The following PLPP4 variants were observed in gnomAD, a reference collection of about 807,000 sequenced individuals.
PLPP4 encodes the protein phospholipid phosphatase 4.
PLPP4 carries 20 observed loss-of-function variants against 32.2 expected under a neutral mutation model. The observed-to-expected ratio is 0.62, with a 90% CI of 0.44 to 0.90. The LOEUF is 0.90. Ranked by LOEUF, PLPP4 falls within the 40% of genes least tolerant of loss-of-function variation. The probability of loss-of-function intolerance (pLI) is 0.00; values close to 1 mark genes in which losing one functional copy is unlikely to be tolerated. For synonymous variants in PLPP4, 127 were observed against 133.0 expected (o/e 0.95, Z 0.31); for missense variants, 257 against 353.1 (o/e 0.73, Z 2.18).
intron 1 of PLPP4, among the ~76,000 whole-genome samples, chr10:120,474,045 A>G (rs1464360651): frequency 8.6e-5 from 13 of 152,000 alleles, no homozygotes; most frequent in Admixed American, 7.9e-4. Context: ...TATCTTTTGC[A>G]TAATTATTTT....
At chr10:120,472,118 A>G (rs1421607346) in intron 1 of PLPP4, among the ~76,000 whole-genome samples, 1 of 152,118 alleles carries the variant, frequency 6.6e-6, no homozygotes, top group Non-Finnish European at 1.5e-5. Flanking sequence ...CAATCAATAT[A>G]CTTTCACAGA....
intron 5 of PLPP4, among the ~76,000 whole-genome samples, chr10:120,532,878 C>T (rs1433853268): frequency 6.6e-6 from 1 of 152,028 alleles, no homozygotes; most frequent in African/African-American, 2.4e-5. Context: ...GAATCTAAGT[C>T]ATTTGATGGA....
At chr10:120,483,130 C>G (rs533969573) in intron 1 of PLPP4, among the ~76,000 whole-genome samples, 14 of 152,332 alleles carry the variant, frequency 9.2e-5, no homozygotes, top group Non-Finnish European at 1.0e-4. Flanking sequence ...CCTCGAACAT[C>G]AGACTGCAAG....
At chr10:120,484,408 A>T (rs1182427611) in intron 1 of PLPP4, among the ~76,000 whole-genome samples, 1 of 152,238 alleles carries the variant, frequency 6.6e-6, no homozygotes, top group African/African-American at 2.4e-5. Flanking sequence ...GAGATTAGGA[A>T]GTCCAAGATC....
At chr10:120,470,535 C>T (rs1008690694) in intron 1 of PLPP4, among the ~76,000 whole-genome samples, 2 of 152,114 alleles carry the variant, frequency 1.3e-5, no homozygotes, top group African/African-American at 4.8e-5. Context: ...TCTGTATTAT[C>T]GAGTATTTTA....
In PLPP4 at chr10:120,490,667, G is replaced by A. The variant is rs141779436; in HGVS notation, c.57-13151G>A. On this transcript the variant is annotated intron_variant, in intron 1 of 6. Transcript: ENST00000398250. The stretch of plus-strand genomic sequence containing the variant: ...GAACACAGCCTTGTTCCTCCATGGG[G>A]GAACAGTAGGTCAGAGAAATGGTCA... 2.5e-3 allele frequency among the ~76,000 whole-genome samples: 375 copies of A among 152,318 alleles called. 1 individual carries two copies. Among genetic ancestry groups the A allele is most frequent in the African/African-American group, 8.6e-3 (359 of 41,570 alleles).
intron 5 of PLPP4, among the ~76,000 whole-genome samples, chr10:120,567,929 T>G (rs2134031330): frequency 6.6e-6 from 1 of 152,312 alleles, no homozygotes; most frequent in African/African-American, 2.4e-5. Flanking sequence ...TCCTTTGTGG[T>G]GTGTGAGATG....
intron 5 of PLPP4, among the ~76,000 whole-genome samples, chr10:120,552,969 G>A (rs1847978900): frequency 6.6e-6 from 1 of 152,148 alleles, no homozygotes; most frequent in African/African-American, 2.4e-5. Flanking sequence ...TGCTTGAGAG[G>A]GGCATGGACA....
chr10:120,507,825 A>T (rs897373265), intron 2 of PLPP4, among the ~76,000 whole-genome samples: 12 of 152,194 alleles, frequency 7.9e-5, no homozygotes, highest in Non-Finnish European at 1.8e-4. Flanking sequence ...AATTCAGTGG[A>T]TGGTTATGAA....
intron 6 of PLPP4, among the ~76,000 whole-genome samples, chr10:120,588,606 C>T (rs1273146286): frequency 1.3e-5 from 2 of 152,106 alleles, no homozygotes; most frequent in Admixed American, 6.5e-5. Context: ...CTGATGGGAA[C>T]TTACTAAAGA....
intron 1 of PLPP4, among the ~76,000 whole-genome samples, chr10:120,476,070 T>C (rs762871124): frequency 9.9e-5 from 15 of 152,174 alleles, no homozygotes; most frequent in Non-Finnish European, 2.2e-4. Flanking sequence ...GCATCACCAC[T>C]GTCCACATGG....
At chr10:120,466,598 A>G (rs11199355) in intron 1 of PLPP4, among the ~76,000 whole-genome samples, 39,615 of 152,066 alleles carry the variant, frequency 0.26, 5,873 homozygotes, top group South Asian at 0.33. Flanking sequence ...CAGCTGTATA[A>G]TTATGAACAG....
chr10:120,525,488 A>G (rs1846349794), intron 5 of PLPP4, among the ~76,000 whole-genome samples: 1 of 152,198 alleles, frequency 6.6e-6, no homozygotes, highest in Non-Finnish European at 1.5e-5. Context: ...TCCGTTAGGT[A>G]TGTACCAGGA....
chr10:120,590,767 C>CT lies in PLPP4; in HGVS notation c.*1283dup, dbSNP rs11420059. Among the ~76,000 whole-genome samples, 40,598 of 126,136 alleles carry CT rather than the reference C, an allele frequency of 0.32. 7,436 individuals carry two copies. The highest frequency in any genetic ancestry group is 0.44 in the African/African-American group (14,610 of 32,932). The allele number at this position is 126,136 out of a possible 152,430, so 82.8% of individuals were successfully genotyped here. ...TGCATCTTTGCTATCCAGAGTGTCA[C>CT]TTTTTTTTTTTTTTTTTTGAGATGG... On this transcript the variant is annotated 3_prime_UTR_variant, in exon 7 of 7. Transcript: ENST00000398250.
chr10:120,585,198 G>T (rs541624252), intron 6 of PLPP4, among the ~76,000 whole-genome samples: 1 of 152,172 alleles, frequency 6.6e-6, no homozygotes, highest in African/African-American at 2.4e-5. Flanking sequence ...CTAGTAAAAG[G>T]CCTGACACAT....
chr10:120,532,572 C>T (rs1348897883), intron 5 of PLPP4, among the ~76,000 whole-genome samples: 1 of 152,122 alleles, frequency 6.6e-6, no homozygotes, highest in Non-Finnish European at 1.5e-5. Flanking sequence ...TCTAATTTCA[C>T]ATTTTTGTCT....
At chr10:120,527,354 C>A (rs944630375) in intron 5 of PLPP4, among the ~76,000 whole-genome samples, 1 of 152,160 alleles carries the variant, frequency 6.6e-6, no homozygotes, top group African/African-American at 2.4e-5. Flanking sequence ...ACGTAGAACT[C>A]CTTCTTATCT....
At chr10:120,476,388 A>C (rs367568042) in intron 1 of PLPP4, among the ~76,000 whole-genome samples, 28 of 152,328 alleles carry the variant, frequency 1.8e-4, no homozygotes, top group African/African-American at 6.3e-4. Context: ...AAACCTTACA[A>C]CACCACCATG....
intron 6 of PLPP4, among the ~76,000 whole-genome samples, chr10:120,588,814 G>A (rs1849882690): frequency 2.0e-5 from 3 of 152,230 alleles, no homozygotes; most frequent in Admixed American, 2.0e-4. Flanking sequence ...GGGAGGCCGA[G>A]GTGTGCAGAT....
Sources: allele counts gnomAD v4.1 joint callset (sites outside exome capture counted in the v4.1 genomes callset), GRCh38; gene constraint gnomAD v4.1.1; transcripts MANE v1.5; gene names NCBI Gene and HGNC (gene_info 2026-07-23, HGNC 2026-07-21).